DHX32: variants seen among roughly 807,000 people sequenced by gnomAD.
The protein encoded by DHX32 is putative pre-mRNA-splicing factor ATP-dependent RNA helicase DHX32.
Under a neutral mutation model 70.0 loss-of-function variants are expected in DHX32, and 51 were observed. That is an observed-to-expected ratio of 0.73 (90% CI 0.58 to 0.92). DHX32 has a LOEUF of 0.92. DHX32 is among the 40% of genes least tolerant of loss of function. The probability of loss-of-function intolerance (pLI) is 0.00; values close to 1 mark genes in which losing one functional copy is unlikely to be tolerated. For synonymous variants in DHX32, 310 were observed against 315.3 expected (o/e 0.98, Z 0.18); for missense variants, 762 against 891.8 (o/e 0.85, Z 1.85).
In DHX32 at chr10:125,859,030, TTTG is replaced by T. The variant is rs1220109864; in HGVS notation, c.849+570_849+572del. 2.1e-3 allele frequency among the ~76,000 whole-genome samples: 299 copies of T among 144,680 alleles called. 3 individuals are homozygous for T. The highest frequency in any genetic ancestry group is 6.7e-3 in the African/African-American group (255 of 37,894). 94.9% of individuals were successfully genotyped at this position (144,680 alleles called of 152,430 possible). A position where few individuals can be genotyped will look rare whatever the true frequency, so the allele number is the denominator to read the frequency against. Reference sequence around the variant, plus strand: ...GAAATCTGAGTTAAAGGTTTTTTTTTTTGTTTGTTTGTTTGTTTTTTTTTTTTT... The same window carrying T: ...GAAATCTGAGTTAAAGGTTTTTTTTTTTTGTTTGTTTGTTTTTTTTTTTTT... On this transcript the variant is annotated intron_variant, in intron 3 of 10. Coordinates refer to ENST00000284690, the MANE Select transcript of DHX32 (RefSeq NM_018180.3).
Position 125,854,066 on chromosome 10 carries a change from G to C in DHX32, c.987C>G (p.Cys329Trp). The change falls in exon 4 of 11, where the codon TGC (cysteine) becomes TGG (tryptophan). Residue 329 changes from cysteine (C) to tryptophan (W), a missense_variant. Around this residue, in one of 3 missense-constraint regions of DHX32, gnomAD observed 394 missense variants for 473.1 expected, o/e 0.83. Coordinates refer to ENST00000284690, the MANE Select transcript of DHX32 (RefSeq NM_018180.3). ...ACACCACTCTTCTTTGATAAACTTG[G>C]CATCTTTTTTCTGTTTCATCGAGTG... is the stretch of plus-strand genomic sequence containing the variant. ...FKPLDETEKR[C>W]QVYQRRVVLT... 1 of 1,613,942 alleles carries C rather than the reference G, an allele frequency of 6.2e-7. No homozygotes were observed. The highest frequency in any genetic ancestry group is 8.5e-7 in the Non-Finnish European group (1 of 1,179,970).
intron 3 of DHX32, 63 bp from the exon 4 acceptor site, chr10:125,854,266 G>T: frequency 7.4e-6 from 11 of 1,477,594 alleles, no homozygotes; most frequent in Non-Finnish European, 9.8e-6. Context: ...TTAAAAAAAT[G>T]TCTGAATTAC....
rs558419715 is a variant in DHX32, at chr10:125,891,144, T to C, written c.-248+5074A>G. On this transcript the variant is annotated intron_variant, in intron 1 of 2. Coordinates refer to the DHX32 transcript ENST00000415732. ...TTTGACTGCATTCCATTCCGAAAAC[T>C]AATTTACTCTGAGTAGAAGCAGAGT... 1.1e-4 allele frequency among the ~76,000 whole-genome samples: 17 copies of C among 152,304 alleles called. No homozygotes were observed. The South Asian group carries it at 3.5e-3, about 32-fold the overall frequency.
chr10:125,863,445 G>T (rs954759570), intron 2 of DHX32, among the ~76,000 whole-genome samples: 2 of 151,572 alleles, frequency 1.3e-5, no homozygotes, highest in Non-Finnish European at 2.9e-5. Context: ...TATAATCAAT[G>T]ATCAATTTTT....
intron 10 of DHX32, 143 bp from the exon 11 acceptor site, chr10:125,836,998 C>T (rs1854711782): frequency 1.5e-5 from 10 of 688,326 alleles, no homozygotes; most frequent in East Asian, 5.5e-5. Flanking sequence ...TATCTCAGTC[C>T]GACTTTGTAA....
chr10:125,852,212 C>G, intron 6 of DHX32, 81 bp downstream of exon 6: 1 of 1,531,520 alleles, frequency 6.5e-7, no homozygotes, highest in Non-Finnish European at 8.8e-7. Flanking sequence ...TGCTGCGCAT[C>G]ATGTGAACTC....
intron 6 of DHX32, among the ~76,000 whole-genome samples, chr10:125,847,149 C>A (rs140291654): frequency 6.6e-6 from 1 of 151,584 alleles, no homozygotes; most frequent in Non-Finnish European, 1.5e-5. Context: ...AGAAAACACC[C>A]ATTGTATGGT....
At chr10:125,893,168 G>C (rs75802139) in intron 1 of DHX32, among the ~76,000 whole-genome samples, 1,418 of 99,940 alleles carry the variant, frequency 0.014, no homozygotes, top group South Asian at 0.026. Context: ...GTGGGCATTA[G>C]CCTAATCCTG....
chr10:125,865,561 A>G (rs1283676397), intron 2 of DHX32, among the ~76,000 whole-genome samples: 1 of 151,764 alleles, frequency 6.6e-6, no homozygotes, highest in Non-Finnish European at 1.5e-5. Context: ...ACAGGGTCTC[A>G]CTCTGTCACC....
intron 8 of DHX32, 22 bp downstream of exon 8, chr10:125,840,825 T>C (rs762465972): frequency 5.7e-5 from 89 of 1,550,930 alleles, no homozygotes; most frequent in Non-Finnish European, 7.7e-5. Context: ...AATTAATAGG[T>C]AGTTTCTGAG....
intron 8 of DHX32, among the ~76,000 whole-genome samples, 153 bp from the exon 9 acceptor site, chr10:125,839,341 A>G (rs1854803000): frequency 2.6e-5 from 4 of 152,238 alleles, no homozygotes; most frequent in Admixed American, 2.6e-4. Context: ...AAGGACAAGG[A>G]TTTCTGGTGG....
chr10:125,894,976 G>T (rs1944429385), intron 1 of DHX32, among the ~76,000 whole-genome samples: 1 of 152,304 alleles, frequency 6.6e-6, no homozygotes, highest in South Asian at 2.1e-4. Context: ...AAGGTTCCAT[G>T]AAGTGTTTAC....
chr10:125,889,563 A>C (rs9630115), intron 1 of DHX32, among the ~76,000 whole-genome samples: 72 of 148,650 alleles, frequency 4.8e-4, no homozygotes, highest in Non-Finnish European at 8.2e-4. Flanking sequence ...AGGTCTTGCT[A>C]TTTTTAAAAA....
At chr10:125,842,720 C>A in intron 6 of DHX32, 1 of 618,644 alleles carries the variant, frequency 1.6e-6, no homozygotes, top group Non-Finnish European at 2.0e-6. Flanking sequence ...AAAAATTAAT[C>A]ACAACTGACC....
intron 7 of DHX32, 183 bp from the exon 8 acceptor site, chr10:125,841,179 C>A: frequency 7.0e-7 from 1 of 1,421,738 alleles, no homozygotes; most frequent in East Asian, 2.4e-5. Context: ...CTAATTCTCC[C>A]TCTCCTTTTG....
rs1854899020 is a variant in DHX32, at chr10:125,842,128, G to C, written c.1352-194C>G. 5 of 720,466 alleles carry C rather than the reference G, an allele frequency of 6.9e-6. No homozygotes were observed. The East Asian group carries it at 1.7e-4, about 24-fold the overall frequency. The allele number at this position is 720,466 out of a possible 1,614,324, so 44.6% of individuals were successfully genotyped here. A position where few individuals can be genotyped will look rare whatever the true frequency, so the allele number is the denominator to read the frequency against. On this transcript the variant is annotated intron_variant, in intron 6 of 10. Transcript: ENST00000284690. The stretch of plus-strand genomic sequence containing the variant: ...AGGGCAAACTCAGGAGGGGAGCCCT[G>C]TGATTGTCCAGCTCATGCTCCGAGG...
intron 3 of DHX32, 163 bp from the exon 4 acceptor site, chr10:125,854,366 A>G: frequency 1.8e-6 from 1 of 542,278 alleles, no homozygotes; most frequent in Admixed American, 4.0e-5. Flanking sequence ...GTAAAGATGC[A>G]CCTAAATGAG....
chr10:125,880,529 T>C lies in DHX32; in HGVS notation c.282+14A>G. 1 of 1,560,840 alleles carries C rather than the reference T, an allele frequency of 6.4e-7. No homozygotes were observed. The highest frequency in any genetic ancestry group is 1.4e-5 in the African/African-American group (1 of 72,842). ...AACACATACAGCAAATTATTTTTTG[T>C]AGTGGTTACTCACCTGAGCGCTCTT... On this transcript the variant is annotated intron_variant, in intron 1 of 10. Transcript: ENST00000284690.
chr10:125,881,341 T>C (rs1418388879), upstream of DHX32: 1 of 152,864 alleles, frequency 6.5e-6, no homozygotes. Context: ...CTCTGCGTCT[T>C]GATCAACTGT....
Sources: allele counts gnomAD v4.1 joint callset (sites outside exome capture counted in the v4.1 genomes callset), GRCh38; gene constraint gnomAD v4.1.1; regional missense constraint gnomAD v4.1.1; transcripts MANE v1.5; gene names NCBI Gene and HGNC (gene_info 2026-07-23, HGNC 2026-07-21).